MIER2: variants seen among roughly 807,000 people sequenced by gnomAD.
MIER2 encodes mesoderm induction early response protein 2.
MIER2 carries 30 observed loss-of-function variants against 67.6 expected under a neutral mutation model. That is an observed-to-expected ratio of 0.44 (90% CI 0.33 to 0.60). The LOEUF (loss-of-function observed/expected upper bound fraction) is 0.60. Ranked by LOEUF, MIER2 falls within the 20% of genes least tolerant of loss-of-function variation. The pLI, the probability that MIER2 is intolerant of heterozygous loss-of-function variation, is 0.02. For missense variants in MIER2, 702 were observed against 745.1 expected (o/e 0.94, Z 0.67); for synonymous variants, 372 against 312.6 (o/e 1.19, Z -2.00).
In MIER2 at chr19:306,553, C is replaced by T; in HGVS notation, c.*137G>A. On this transcript the variant is annotated 3_prime_UTR_variant, in exon 14 of 14. Transcript: ENST00000264819. ...ACGGCCCAGCCACCTCACCCCAGTC[C>T]TGACGTGTTCTGAAGCAGAAGGAGG... 1 of 1,190,728 alleles carries T rather than the reference C, an allele frequency of 8.4e-7. No homozygotes were observed. The highest frequency in any genetic ancestry group is 1.2e-6 in the Non-Finnish European group (1 of 834,404). The allele number at this position is 1,190,728 out of a possible 1,614,324, so 73.8% of individuals were successfully genotyped here. A position where few individuals can be genotyped will look rare whatever the true frequency, so the allele number is the denominator to read the frequency against.
chr19:344,522 G>A lies in MIER2; in HGVS notation c.9+252C>T, dbSNP rs531487806. The A allele has an allele frequency of 0.014, 5,158 of 360,248 alleles. 168 individuals carry two copies. The East Asian group carries it at 0.2, about 14-fold the overall frequency. The allele number at this position is 360,248 out of a possible 1,614,324, so 22.3% of individuals were successfully genotyped here. On this transcript the variant is annotated intron_variant, in intron 1 of 13. Coordinates refer to ENST00000264819, the MANE Select transcript of MIER2 (RefSeq NM_017550.3). Reference sequence around the variant, plus strand: ...CCCCACCCCGGCCCCCGCCCGCCCCGCGCCGCCGCGCATGCGCACTGCAGC... The same window carrying A: ...CCCCACCCCGGCCCCCGCCCGCCCCACGCCGCCGCGCATGCGCACTGCAGC...
intron 3 of MIER2, chr19:330,181 C>A (rs915641688): frequency 6.6e-6 from 1 of 152,180 alleles, no homozygotes; most frequent in Non-Finnish European, 1.5e-5. Flanking sequence ...ACCATAACTG[C>A]TGCAATGGTA....
chr19:328,760 A>G (rs1971883519), intron 3 of MIER2, among the ~76,000 whole-genome samples: 1 of 152,218 alleles, frequency 6.6e-6, no homozygotes, highest in Non-Finnish European at 1.5e-5. Flanking sequence ...AATAAAAAAA[A>G]AGAAGAAAAC....
chr19:313,179 C>G (rs112345752), intron 8 of MIER2, among the ~76,000 whole-genome samples: 18 of 109,972 alleles, frequency 1.6e-4, no homozygotes, highest in Admixed American at 5.7e-4. Flanking sequence ...TATCCAGGGA[C>G]TGGCATCAGG....
intron 7 of MIER2, among the ~76,000 whole-genome samples, chr19:316,418 G>A (rs1029901998): frequency 5.9e-5 from 9 of 151,784 alleles, no homozygotes; most frequent in South Asian, 2.1e-4. Context: ...TCAGCCTCCC[G>A]AGTAGCTGGG....
chr19:344,528 C>G, intron 1 of MIER2: 2 of 349,200 alleles, frequency 5.7e-6, no homozygotes, highest in Non-Finnish European at 8.0e-6. Flanking sequence ...CCCCGCGCCG[C>G]CGCGCATGCG....
At chr19:326,779 G>C (rs2145474896) in intron 5 of MIER2, 181 bp from the exon 6 acceptor site, 2 of 607,104 alleles carry the variant, frequency 3.3e-6, no homozygotes, top group Non-Finnish European at 5.8e-6. Flanking sequence ...TGAAGAAAGA[G>C]GCCTTCCCTT....
intron 3 of MIER2, chr19:334,058 C>A (rs1027248119): frequency 8.0e-5 from 17 of 213,308 alleles, no homozygotes; most frequent in South Asian, 6.8e-4. Context: ...CTCCTGATCT[C>A]AAGTGATCCA....
intron 3 of MIER2, among the ~76,000 whole-genome samples, chr19:332,291 T>A (rs1972063204): frequency 6.6e-6 from 1 of 151,822 alleles, no homozygotes; most frequent in Admixed American, 6.6e-5. Context: ...CGAATAAGTA[T>A]TTTTACATGT....
At chr19:344,734 G>C (rs1179003614) in intron 1 of MIER2, 40 bp downstream of exon 1, 1 of 1,147,916 alleles carries the variant, frequency 8.7e-7, no homozygotes, top group African/African-American at 1.6e-5. Context: ...GCGCGGACGC[G>C]CGGGGGCGGG....
chr19:343,850 A>AT, intron 1 of MIER2: 1 of 985,386 alleles, frequency 1.0e-6, no homozygotes, highest in Middle Eastern at 5.2e-4. Flanking sequence ...CCAAGGTGAA[A>AT]GCAAGTCCAC....
intron 6 of MIER2, 92 bp downstream of exon 6, chr19:326,415 G>T (rs1487284484): frequency 1.7e-6 from 2 of 1,187,260 alleles, no homozygotes; most frequent in Non-Finnish European, 2.5e-6. Context: ...CCAGGCTGGG[G>T]AGACGGCAGA....
At chr19:321,559 G>A (rs1046995727) in intron 7 of MIER2, among the ~76,000 whole-genome samples, 1 of 152,040 alleles carries the variant, frequency 6.6e-6, no homozygotes, top group Admixed American at 6.6e-5. Context: ...TGGGAGAACT[G>A]CTTGAATCCA....
chr19:318,898 A>T (rs549445656), intron 7 of MIER2, among the ~76,000 whole-genome samples: 3 of 151,932 alleles, frequency 2.0e-5, no homozygotes, highest in Non-Finnish European at 4.4e-5. Context: ...CTACTAAAAA[A>T]TACAAAAAAC....
intron 7 of MIER2, among the ~76,000 whole-genome samples, chr19:323,179 C>T (rs1387403711): frequency 1.3e-5 from 2 of 148,774 alleles, no homozygotes; most frequent in South Asian, 2.1e-4. Context: ...ATGACACAGA[C>T]GTCATCACAA....
At position 310,556 on chromosome 19, in the gene MIER2, C is replaced by CA. The variant is rs1568216455; in HGVS notation, c.984+1288_984+1289insT. On this transcript the variant is annotated intron_variant, in intron 10 of 13. Transcript: ENST00000264819. ...AACACGGCCCGGAGCTGCAGAAACA[C>CA]GGCCCGGAGCTATAGAAACACGGCC... Among the ~76,000 whole-genome samples the CA allele has an allele frequency of 2.2e-3, 322 of 149,558 alleles. 23 individuals carry two copies. Among genetic ancestry groups the CA allele is most frequent in the African/African-American group, 7.0e-3 (284 of 40,354 alleles).
rs142920057 is a variant in MIER2, at chr19:334,472, C to A, written c.171G>T (p.Arg57Ser). The A allele has an allele frequency of 2.5e-6, 4 of 1,614,056 alleles. No homozygotes were observed. The highest frequency in any genetic ancestry group is 3.4e-6 in the Non-Finnish European group (4 of 1,180,036). ...ACCTCGAGGCCTCCTCGCACTCCCC[C>A]CTAACACTGTAGTTCTGTGACAGGA... is the stretch of plus-strand genomic sequence containing the variant. ...AEILSQNYSV[R>S]GECEEASRCP... The change falls in exon 3 of 14, where the codon AGG (arginine) becomes AGT (serine). Residue 57 changes from arginine (R) to serine (S), a missense_variant. Physicochemically the swap from Arg to Ser is moderately radical, Grantham distance 110 (BLOSUM62 -1). This residue lies in a region of MIER2 where 320 missense variants were observed against 292.6 expected (regional missense o/e 1.09). Coordinates refer to ENST00000264819, the MANE Select transcript of MIER2 (RefSeq NM_017550.3).
chr19:326,787 C>A, intron 5 of MIER2, 189 bp from the exon 6 acceptor site: 1 of 601,038 alleles, frequency 1.7e-6, no homozygotes, highest in South Asian at 2.1e-5. Flanking sequence ...GAGGCCTTCC[C>A]TTCTATGCAG....
intron 8 of MIER2, 56 bp from the exon 9 acceptor site, chr19:312,328 G>C (rs892425436): frequency 8.3e-6 from 13 of 1,557,122 alleles, no homozygotes; most frequent in African/African-American, 1.4e-5. Flanking sequence ...CCGACAGCAA[G>C]AACTGTCTAT....
Sources: gnomAD v4.1 joint callset for allele counts (sites outside exome capture counted in the v4.1 genomes callset) on GRCh38, gnomAD v4.1.1 for gene constraint, gnomAD v4.1.1 regional missense constraint, MANE v1.5 for transcripts, NCBI Gene and HGNC (gene_info 2026-07-23, HGNC 2026-07-21) for gene names.